The following EMSY variants were observed in gnomAD, a reference collection of about 807,000 sequenced individuals.
The protein encoded by EMSY is EMSY transcriptional repressor, BRCA2 interacting, also known as BRCA2-interacting transcriptional repressor EMSY.
EMSY carries 26 observed loss-of-function variants against 134.6 expected under a neutral mutation model. The ratio of observed to expected loss-of-function variants is 0.19; its 90% confidence interval spans 0.14 to 0.27. EMSY has a LOEUF of 0.27. EMSY is among the 10% of genes least tolerant of loss of function. The pLI is 1.00. For missense variants in EMSY, 1,305 were observed against 1,611.4 expected, an observed-to-expected ratio of 0.81 and a Z score of 3.26; for synonymous variants, 579 against 577.8, an observed-to-expected ratio of 1.00 and a Z score of -0.03.
chr11:76,450,345 A>G (rs7123361), intron 2 of EMSY, among the ~76,000 whole-genome samples: 40,948 of 144,456 alleles, frequency 0.28, 5,816 homozygotes, highest in Non-Finnish European at 0.34. Flanking sequence ...GTTTCCTGAA[A>G]CTAACTATTT....
intron 14 of EMSY, among the ~76,000 whole-genome samples, chr11:76,534,062 G>A (rs1363966027): frequency 2.0e-5 from 3 of 152,080 alleles, no homozygotes; most frequent in South Asian, 2.1e-4. Context: ...TAGTACCTAC[G>A]AGGTGATGTT....
intron 8 of EMSY, among the ~76,000 whole-genome samples, chr11:76,485,124 G>A (rs920138638): frequency 6.6e-6 from 1 of 152,156 alleles, no homozygotes; most frequent in Non-Finnish European, 1.5e-5. Flanking sequence ...GAGGTACAAA[G>A]AGGAGCTGCT....
At chr11:76,531,587 C>T (rs1951042428) in intron 14 of EMSY, among the ~76,000 whole-genome samples, 1 of 152,120 alleles carries the variant, frequency 6.6e-6, no homozygotes, top group African/African-American at 2.4e-5. Flanking sequence ...ATGATGTTAA[C>T]ATTGATCACT....
chr11:76,470,009 C>A (rs1236422481), intron 7 of EMSY, among the ~76,000 whole-genome samples: 1 of 152,100 alleles, frequency 6.6e-6, no homozygotes, highest in Non-Finnish European at 1.5e-5. Flanking sequence ...AAGTAATGGA[C>A]AAGTACTTAT....
chr11:76,488,821 G>C (rs1261497248), intron 8 of EMSY, among the ~76,000 whole-genome samples: 2 of 152,070 alleles, frequency 1.3e-5, no homozygotes, highest in African/African-American at 4.8e-5. Context: ...TTTTTCTTGG[G>C]TAATTCTCAT....
intron 7 of EMSY, among the ~76,000 whole-genome samples, chr11:76,471,223 G>T (rs1170957831): frequency 1.3e-5 from 2 of 152,042 alleles, no homozygotes; most frequent in East Asian, 3.8e-4. Flanking sequence ...TTAAAAAATG[G>T]ACTTTATTTT....
intron 8 of EMSY, among the ~76,000 whole-genome samples, chr11:76,481,651 C>T (rs1196820474): frequency 6.6e-6 from 1 of 152,200 alleles, no homozygotes; most frequent in African/African-American, 2.4e-5. Context: ...CTGGGCGGAG[C>T]CCACTGCAGC....
chr11:76,490,534 ATGTAT>A (rs1949375520), intron 8 of EMSY, among the ~76,000 whole-genome samples: 1 of 152,152 alleles, frequency 6.6e-6, no homozygotes, highest in Admixed American at 6.5e-5. Flanking sequence ...ATACTATTTC[ATGTAT>A]TGTGTTAGAA....
intron 20 of EMSY, among the ~76,000 whole-genome samples, chr11:76,549,543 C>T (rs1223859772): frequency 6.6e-6 from 1 of 152,134 alleles, no homozygotes; most frequent in Non-Finnish European, 1.5e-5. Context: ...AAGCTTTATT[C>T]AAAGTTCTTC....
intron 4 of EMSY, 25 bp from the exon 6 acceptor site, chr11:76,458,158 T>C (rs778584422): frequency 1.3e-6 from 2 of 1,580,066 alleles, no homozygotes; most frequent in Non-Finnish European, 8.6e-7. Context: ...AAAACCCTTG[T>C]AGCAGCGCTT....
chr11:76,478,466 C>T (rs1057382652), intron 8 of EMSY, among the ~76,000 whole-genome samples: 11 of 151,538 alleles, frequency 7.3e-5, no homozygotes, highest in African/African-American at 2.7e-4. Flanking sequence ...GCCTCAGCCT[C>T]CTGAGTAGCT....
chr11:76,544,245 C>T lies in EMSY; in HGVS notation c.2710-14C>T, dbSNP rs1351680071. On this transcript the variant is annotated splice_polypyrimidine_tract_variant and intron_variant, in intron 18 of 20. Transcript: ENST00000334736. ...TTTCTTATTTCATTCTTACTTTGTG[C>T]CTTTTTTACTTAGGCATTAAGCAGT... is the stretch of plus-strand genomic sequence containing the variant. 1.9e-6 allele frequency: 3 copies of T among 1,585,780 alleles called. No homozygotes were observed. The South Asian group carries it at 3.4e-5, about 18-fold the overall frequency.
intron 19 of EMSY, among the ~76,000 whole-genome samples, chr11:76,545,059 T>G (rs939644880): frequency 6.6e-6 from 1 of 152,186 alleles, no homozygotes; most frequent in African/African-American, 2.4e-5. Flanking sequence ...TTTCAGGCAG[T>G]TTTTATTGAA....
intron 19 of EMSY, 24 bp from the exon 21 acceptor site, chr11:76,545,769 AACAC>A (rs985446767): frequency 1.5e-5 from 23 of 1,575,596 alleles, no homozygotes; most frequent in Non-Finnish European, 1.7e-5. Context: ...ATGTAGCTAT[AACAC>A]ACACAACCCC....
intron 8 of EMSY, among the ~76,000 whole-genome samples, chr11:76,484,722 C>T (rs994334035): frequency 1.6e-4 from 25 of 152,178 alleles, no homozygotes; most frequent in African/African-American, 5.1e-4. Flanking sequence ...CCCCTGAGGT[C>T]GGGAGTTCGA....
chr11:76,548,543 T>C (rs1280852918), intron 20 of EMSY, among the ~76,000 whole-genome samples: 1 of 152,212 alleles, frequency 6.6e-6, no homozygotes, highest in African/African-American at 2.4e-5. Flanking sequence ...ATCTTCACAG[T>C]GTATCCTCCA....
intron 8 of EMSY, among the ~76,000 whole-genome samples, chr11:76,489,315 C>CTTTTTTT (rs57048007): frequency 1.6e-5 from 2 of 128,170 alleles, no homozygotes; most frequent in African/African-American, 2.9e-5. Flanking sequence ...TTCTTGTTTT[C>CTTTTTTT]TTTTTTTTTT....
chr11:76,545,497 G>A (rs957616210), intron 19 of EMSY, among the ~76,000 whole-genome samples: 6 of 152,146 alleles, frequency 3.9e-5, no homozygotes, highest in South Asian at 2.1e-4. Context: ...CCAGGTTGAA[G>A]GTGTACTGTT....
intron 12 of EMSY, among the ~76,000 whole-genome samples, 167 bp from the exon 14 acceptor site, chr11:76,526,295 T>C (rs1950843630): frequency 1.3e-5 from 2 of 152,212 alleles, no homozygotes; most frequent in Non-Finnish European, 2.9e-5. Flanking sequence ...TTCTATATCA[T>C]TTCAACCAAG....
Sources: gnomAD v4.1 joint callset for allele counts (sites outside exome capture counted in the v4.1 genomes callset) on GRCh38, gnomAD v4.1.1 for gene constraint, MANE v1.5 for transcripts, NCBI Gene and HGNC (gene_info 2026-07-23, HGNC 2026-07-21) for gene names.